The following ADGRL2 variants were observed in gnomAD, a reference collection of about 807,000 sequenced individuals.
The protein encoded by ADGRL2 is calcium-independent alpha-latrotoxin receptor 2.
A neutral mutation model predicts 157.4 loss-of-function variants in ADGRL2; 44 were observed. The ratio of observed to expected loss-of-function variants is 0.28; its 90% CI spans 0.22 to 0.36. The LOEUF is 0.36. Among genes scored for constraint, ADGRL2 ranks in the 10% least tolerant of loss-of-function variants. The probability of loss-of-function intolerance (pLI) is 1.00; values close to 1 mark genes in which losing one functional copy is unlikely to be tolerated. For missense variants in ADGRL2, 1,510 were observed against 1,768.9 expected (o/e 0.85, Z 2.63); for synonymous variants, 585 against 624.7 (o/e 0.94, Z 0.95).
chr1:81,817,892 C>T (rs889500444), intron 1 of ADGRL2, among the ~76,000 whole-genome samples: 2 of 151,906 alleles, frequency 1.3e-5, no homozygotes, highest in African/African-American at 2.4e-5. Flanking sequence ...TGGCCAAGTG[C>T]GGTGTCTCAT....
chr1:81,443,254 C>G (rs892924860), intron 1 of ADGRL2, among the ~76,000 whole-genome samples: 4 of 151,972 alleles, frequency 2.6e-5, no homozygotes, highest in Middle Eastern at 3.2e-3. Flanking sequence ...AACCCCATCT[C>G]TACTAAAAAT....
chr1:81,394,163 G>A (rs555212760), intron 1 of ADGRL2, among the ~76,000 whole-genome samples: 1 of 151,908 alleles, frequency 6.6e-6, no homozygotes, highest in South Asian at 2.1e-4. Flanking sequence ...TTCTTGTTAA[G>A]GATTTATCAT....
Position 81,991,805 on chromosome 1 carries a change from T to C in ADGRL2, c.*660T>C, listed in dbSNP as rs751793332. ...TGCTAGGGTAAAATAAATACATTTG[T>C]GTCCAACTGAAATATAATTGTCATT... On this transcript the variant is annotated 3_prime_UTR_variant, in exon 24 of 24. Coordinates refer to ENST00000686636, the MANE Select transcript of ADGRL2 (RefSeq NM_001366006.2). The C allele has an allele frequency of 1.3e-5, 2 of 152,658 alleles. No homozygotes were observed. The highest frequency in any genetic ancestry group is 2.9e-5 in the Non-Finnish European group (2 of 68,040). The allele number at this position is 152,658 out of a possible 1,614,324, so 9.5% of individuals were successfully genotyped here.
chr1:81,487,753 T>C (rs2078540106), intron 2 of ADGRL2, among the ~76,000 whole-genome samples: 1 of 152,092 alleles, frequency 6.6e-6, no homozygotes, highest in African/African-American at 2.4e-5. Flanking sequence ...TATATAACCA[T>C]GTTAAGGTTA....
At chr1:81,338,729 T>C (rs1380904937) in intron 1 of ADGRL2, among the ~76,000 whole-genome samples, 1 of 152,190 alleles carries the variant, frequency 6.6e-6, no homozygotes, top group Non-Finnish European at 1.5e-5. Context: ...ATTCCTCTTC[T>C]GCAAATGAGG....
intron 2 of ADGRL2, among the ~76,000 whole-genome samples, chr1:81,779,861 C>T (rs770670777): frequency 5.9e-5 from 9 of 152,174 alleles, no homozygotes; most frequent in Non-Finnish European, 1.3e-4. Flanking sequence ...GCTTACTCTG[C>T]CTTCTGGGAA....
chr1:81,956,637 A>G (rs1011937420), intron 11 of ADGRL2, among the ~76,000 whole-genome samples: 1 of 152,194 alleles, frequency 6.6e-6, no homozygotes, highest in Non-Finnish European at 1.5e-5. Context: ...AGAGGTAGGA[A>G]TTCACTTGTG....
At chr1:81,623,653 T>TTTG (rs1282063939) in intron 3 of ADGRL2, among the ~76,000 whole-genome samples, 1 of 150,416 alleles carries the variant, frequency 6.6e-6, no homozygotes, top group East Asian at 1.9e-4. Context: ...TTTTTTTTTT[T>TTTG]TGAGACAGAG....
At chr1:81,327,975 A>G (rs950480485) in intron 1 of ADGRL2, among the ~76,000 whole-genome samples, 1 of 152,158 alleles carries the variant, frequency 6.6e-6, no homozygotes, top group Non-Finnish European at 1.5e-5. Flanking sequence ...ACCCTGCACC[A>G]TGGTGGCTAA....
chr1:81,366,486 G>A (rs978986255), intron 1 of ADGRL2, among the ~76,000 whole-genome samples: 3 of 152,090 alleles, frequency 2.0e-5, no homozygotes, highest in African/African-American at 7.2e-5. Context: ...ACAAATGGTA[G>A]GTTTCTATCT....
chr1:81,582,631 C>A (rs571826723), intron 3 of ADGRL2, among the ~76,000 whole-genome samples: 13 of 152,124 alleles, frequency 8.5e-5, no homozygotes, highest in African/African-American at 3.1e-4. Context: ...ATAAGTAACT[C>A]ATTTTGGGAT....
intron 2 of ADGRL2, among the ~76,000 whole-genome samples, chr1:81,565,115 C>G (rs1482404010): frequency 6.6e-6 from 1 of 152,298 alleles, no homozygotes; most frequent in East Asian, 1.9e-4. Flanking sequence ...ACCGCATTTA[C>G]AGATACATCT....
At chr1:81,706,230 TAAA>T (rs113037063) in intron 1 of ADGRL2, among the ~76,000 whole-genome samples, 2 of 151,444 alleles carry the variant, frequency 1.3e-5, no homozygotes, top group African/African-American at 4.9e-5. Context: ...AACAAAAAAA[TAAA>T]AAAATTTTTT....
At position 81,526,661 on chromosome 1, in the gene ADGRL2, G is replaced by GT. The variant is rs1236171275; in HGVS notation, c.-247-54208dup. Among the ~76,000 whole-genome samples, 18 of 151,992 alleles carry GT rather than the reference G, an allele frequency of 1.2e-4. No individual in the cohort carries two copies. In the East Asian group the frequency reaches 2.9e-3, roughly 24 times the overall value. ...GATTTTTCTCTGGGAGGGAGATTTT[G>GT]TTTTTTTAGGAATGTTTGTATTTTT... On this transcript the variant is annotated intron_variant, in intron 2 of 24. Transcript: ENST00000370721.
chr1:81,445,228 T>C (rs899070179), intron 2 of ADGRL2: 1 of 152,214 alleles, frequency 6.6e-6, no homozygotes, highest in African/African-American at 2.4e-5. Flanking sequence ...ATGTAGAAGA[T>C]AAAATCATGA....
At chr1:81,644,442 A>G (rs994932410) in intron 3 of ADGRL2, among the ~76,000 whole-genome samples, 3 of 152,322 alleles carry the variant, frequency 2.0e-5, no homozygotes, top group African/African-American at 7.2e-5. Flanking sequence ...GAAGTCACAG[A>G]CTGGGAGAAA....
At chr1:81,649,227 CACCTCTTCTAG>C (rs2148830837) in intron 3 of ADGRL2, among the ~76,000 whole-genome samples, 1 of 152,302 alleles carries the variant, frequency 6.6e-6, no homozygotes, top group African/African-American at 2.4e-5. Flanking sequence ...CACCTAATCC[CACCTCTTCTAG>C]ACCTACCCTA....
chr1:81,888,673 C>T (rs778075182), intron 2 of ADGRL2, among the ~76,000 whole-genome samples: 14 of 152,158 alleles, frequency 9.2e-5, no homozygotes, highest in Non-Finnish European at 1.9e-4. Context: ...AGGATGTTCT[C>T]GATCTCCTGA....
At chr1:81,699,410 C>T (rs1042291774), upstream of ADGRL2, among the ~76,000 whole-genome samples, 1 of 152,146 alleles carries the variant, frequency 6.6e-6, no homozygotes, top group African/African-American at 2.4e-5. Context: ...ACTACAATGA[C>T]GGTGCTGCTT....
Sources: gnomAD v4.1 joint callset for allele counts (sites outside exome capture counted in the v4.1 genomes callset) on GRCh38, gnomAD v4.1.1 for gene constraint, MANE v1.5 for transcripts, NCBI Gene and HGNC (gene_info 2026-07-23, HGNC 2026-07-21) for gene names.